The following NEDD4L variants were observed in gnomAD, a reference collection of about 807,000 sequenced individuals.
The protein encoded by NEDD4L is E3 ubiquitin-protein ligase NEDD4-like.
A neutral mutation model predicts 148.9 loss-of-function variants in NEDD4L; 54 were observed. The ratio of observed to expected loss-of-function variants is 0.36; its 90% confidence interval spans 0.29 to 0.45. The LOEUF (loss-of-function observed/expected upper bound fraction) is 0.45. Ranked by LOEUF, NEDD4L falls within the 20% of genes least tolerant of loss-of-function variation. The pLI is 1.00. For missense variants in NEDD4L, 856 were observed against 1,233.8 expected (o/e 0.69, Z 4.59); for synonymous variants, 433 against 440.7 (o/e 0.98, Z 0.22).
At chr18:58,278,788 A>G (rs11661951) in intron 5 of NEDD4L, among the ~76,000 whole-genome samples, 10,286 of 152,310 alleles carry the variant, frequency 0.068, 505 homozygotes, top group Non-Finnish European at 0.1. Flanking sequence ...ATCTCAAACT[A>G]GGTTGAAAAT....
At chr18:58,075,943 T>A (rs549490459) in intron 1 of NEDD4L, among the ~76,000 whole-genome samples, 2 of 152,222 alleles carry the variant, frequency 1.3e-5, no homozygotes, top group South Asian at 4.1e-4. Context: ...TAGCTGGAGA[T>A]CATGTTATTT....
Position 58,324,977 on chromosome 18 carries a change from C to A in NEDD4L, c.514-19C>A. 1 of 1,607,658 alleles carries A rather than the reference C, an allele frequency of 6.2e-7. No homozygotes were observed. The highest frequency in any genetic ancestry group is 1.1e-5 in the South Asian group (1 of 89,582). ...CGAAGAACCAACCTCATAATCGTCC[C>A]TTTAACTTTATTCCGCAGCATGGAT... On this transcript the variant is annotated intron_variant, in intron 8 of 30. Transcript: ENST00000400345.
chr18:58,180,524 G>A (rs544253518), intron 2 of NEDD4L, among the ~76,000 whole-genome samples: 44 of 152,238 alleles, frequency 2.9e-4, no homozygotes, highest in African/African-American at 6.5e-4. Context: ...CGACTCCAGC[G>A]CCCGTTCTTC....
chr18:58,052,729 G>A (rs73438923), intron 1 of NEDD4L, among the ~76,000 whole-genome samples: 77,178 of 151,476 alleles, frequency 0.51, 22,099 homozygotes, highest in East Asian at 0.85. Flanking sequence ...ACTTTGGGAG[G>A]CCAGGGCAGG....
At chr18:58,253,141 T>G (rs1010959721) in intron 5 of NEDD4L, among the ~76,000 whole-genome samples, 2 of 152,168 alleles carry the variant, frequency 1.3e-5, no homozygotes, top group Non-Finnish European at 2.9e-5. Context: ...ACTCCAGATT[T>G]TTAATAGCTG....
At chr18:58,331,010 C>A in intron 11 of NEDD4L, 96 bp downstream of exon 11, 1 of 1,219,944 alleles carries the variant, frequency 8.2e-7, no homozygotes, top group Non-Finnish European at 1.2e-6. Flanking sequence ...GACCAAGGGT[C>A]TTCCAGCTCC....
chr18:58,145,886 GA>G (rs1166252118), intron 1 of NEDD4L, among the ~76,000 whole-genome samples: 5 of 145,942 alleles, frequency 3.4e-5, no homozygotes, highest in Admixed American at 2.1e-4. Flanking sequence ...TCAGGTGATT[GA>G]AAAATGTACA....
chr18:58,382,330 C>T (rs559575677), intron 24 of NEDD4L, among the ~76,000 whole-genome samples: 64 of 152,256 alleles, frequency 4.2e-4, no homozygotes, highest in African/African-American at 1.5e-3. Flanking sequence ...CTCCATCCCT[C>T]CTGGGTACCA....
chr18:58,153,139 C>T (rs1302435875), intron 1 of NEDD4L, among the ~76,000 whole-genome samples: 1 of 152,044 alleles, frequency 6.6e-6, no homozygotes, highest in African/African-American at 2.4e-5. Context: ...GTCCTGTTGT[C>T]CTGTAGGTGA....
intron 6 of NEDD4L, among the ~76,000 whole-genome samples, chr18:58,317,733 G>A (rs1028612890): frequency 6.6e-6 from 1 of 152,172 alleles, no homozygotes; most frequent in African/African-American, 2.4e-5. Flanking sequence ...AAAGAAGGAA[G>A]CGGTGCAGAG....
chr18:58,110,049 G>A (rs1263961169), intron 1 of NEDD4L, among the ~76,000 whole-genome samples: 3 of 80,182 alleles, frequency 3.7e-5, no homozygotes, highest in African/African-American at 2.1e-4. Context: ...CTGAACTTGG[G>A]CTGCCCTAGG....
intron 5 of NEDD4L, among the ~76,000 whole-genome samples, chr18:58,276,270 G>A (rs1224677832): frequency 1.3e-5 from 2 of 150,854 alleles, no homozygotes; most frequent in African/African-American, 2.4e-5. Context: ...CCAGGCTGGA[G>A]CTATCTCAGC....
intron 1 of NEDD4L, among the ~76,000 whole-genome samples, chr18:58,161,302 A>G (rs2036176495): frequency 6.6e-6 from 1 of 152,174 alleles, no homozygotes; most frequent in Non-Finnish European, 1.5e-5. Context: ...AAGTGCTGGG[A>G]TTACAGGCAT....
At position 58,401,518 on chromosome 18, in the gene NEDD4L, A is replaced by T. The variant is rs573782575; in HGVS notation, c.*5249A>T. ...CTTGTCAAATATTTAATAAAGAATT[A>T]TGGAAGCTGGAACATTTTCTACATC... On this transcript the variant is annotated 3_prime_UTR_variant, in exon 31 of 31. Coordinates refer to ENST00000400345, the MANE Select transcript of NEDD4L (RefSeq NM_001144967.3). The T allele has an allele frequency of 2.0e-4, 30 of 152,360 alleles. No individual in the cohort carries two copies. Among genetic ancestry groups the T allele is most frequent in the Middle Eastern group, 3.4e-3 (1 of 294 alleles). The allele number at this position is 152,360 out of a possible 1,614,324, so 9.4% of individuals were successfully genotyped here. A position where few individuals can be genotyped will look rare whatever the true frequency, so the allele number is the denominator to read the frequency against.
intron 3 of NEDD4L, chr18:58,247,207 C>T (rs2047371253): frequency 6.6e-6 from 1 of 152,162 alleles, no homozygotes; most frequent in Admixed American, 6.5e-5. Flanking sequence ...TTGTAACTGT[C>T]TTGCTGCCAT....
Position 58,366,136 on chromosome 18 carries a change from T to C in NEDD4L, c.1971T>C (p.Gly657=). ...GGATTGAGTTTGAATCAGAGAAAGG[T>C]CTTGACTATGGGGGTGTGGCCAGAG... ...RLWIEFESEK[G]LDYGGVAREW... is the part of the protein sequence containing the mutation. Residue 657 remains glycine (G), a synonymous_variant, in exon 21 of 31, where the codon GGT becomes GGC. Coordinates refer to ENST00000400345, the MANE Select transcript of NEDD4L (RefSeq NM_001144967.3). The surrounding 1 kb of genome is among the most constrained non-coding windows in gnomAD (Gnocchi z 4.2). 1.9e-6 allele frequency: 3 copies of C among 1,613,596 alleles called. No homozygotes were observed. Among genetic ancestry groups the C allele is most frequent in the Non-Finnish European group, 2.5e-6 (3 of 1,179,762 alleles).
intron 5 of NEDD4L, among the ~76,000 whole-genome samples, chr18:58,315,368 G>C (rs371494589): frequency 2.6e-5 from 4 of 151,956 alleles, no homozygotes; most frequent in Admixed American, 2.0e-4. Context: ...GGAGAGATAC[G>C]TGCAGTATGG....
chr18:58,279,294 A>G (rs995587751), intron 5 of NEDD4L, among the ~76,000 whole-genome samples: 2 of 152,160 alleles, frequency 1.3e-5, no homozygotes, highest in African/African-American at 4.8e-5. Flanking sequence ...AATGCACATG[A>G]CAGAATGGAC....
intron 1 of NEDD4L, among the ~76,000 whole-genome samples, chr18:58,108,526 TTCTCGTG>T: frequency 6.6e-6 from 1 of 152,326 alleles, no homozygotes; most frequent in Admixed American, 6.5e-5. Context: ...GTTCAAGTGA[TTCTCGTG>T]TCTCAGCCTC....
Sources: allele counts gnomAD v4.1 joint callset (sites outside exome capture counted in the v4.1 genomes callset), GRCh38; gene constraint gnomAD v4.1.1; non-coding constraint Gnocchi (gnomAD v3.1); transcripts MANE v1.5; gene names NCBI Gene and HGNC (gene_info 2026-07-23, HGNC 2026-07-21).